Variants in COL11A1 observed in about 807,000 individuals in gnomAD.
COL11A1 encodes the protein collagen type XI alpha 1 chain.
A neutral mutation model predicts 265.2 loss-of-function variants in COL11A1; 74 were observed. That is an observed-to-expected ratio of 0.28 (90% CI 0.23 to 0.34). The LOEUF (loss-of-function observed/expected upper bound fraction) is 0.34, where lower values mean the gene tolerates loss of function less well. Among genes scored for constraint, COL11A1 ranks in the 10% least tolerant of loss-of-function variants. The pLI is 1.00. For missense variants in COL11A1, 2,165 were observed against 2,263.6 expected (o/e 0.96, Z 0.88); for synonymous variants, 816 against 727.6 (o/e 1.12, Z -1.96).
In COL11A1 at chr1:103,026,253, C is replaced by A. The variant is rs1425451978; in HGVS notation, c.860G>T (p.Gly287Val). 1 of 1,613,542 alleles carries A rather than the reference C, an allele frequency of 6.2e-7. No homozygotes were observed. The highest frequency in any genetic ancestry group is 1.3e-5 in the African/African-American group (1 of 74,894). The stretch of plus-strand genomic sequence containing the variant: ...TATTGTCTCCTCAGTTACAGTGGGT[C>A]CCTCTGTTACACTTTCAGCCTCTTT... ...EYKEAESVTE[G>V]PTVTEETIAQ... Residue 287 changes from glycine to valine, a missense_variant, in exon 6 of 67, where the codon GGA becomes GTA. Physicochemically the swap from Gly to Val is moderately radical, Grantham distance 109 (BLOSUM62 -3). Coordinates refer to ENST00000370096, the MANE Select transcript of COL11A1 (RefSeq NM_001854.4).
At chr1:103,017,378 T>C (rs188798469) in intron 11 of COL11A1, among the ~76,000 whole-genome samples, 1,711 of 152,224 alleles carry the variant, frequency 0.011, 32 homozygotes, top group African/African-American at 0.039. Flanking sequence ...GGGAAGGTTA[T>C]TTTATGAGAA....
chr1:103,022,704 T>C lies in COL11A1; in HGVS notation c.1245+38A>G, dbSNP rs773629298. On this transcript the variant is annotated intron_variant, in intron 8 of 66. Transcript: ENST00000370096. Reference sequence around the variant, plus strand: ...CATGGACATAAAAATATCCCATAAATAAGACATACAATGACACAGTGCATA... The same window carrying C: ...CATGGACATAAAAATATCCCATAAACAAGACATACAATGACACAGTGCATA... The C allele has an allele frequency of 3.7e-6, 6 of 1,611,872 alleles. No homozygotes were observed. In the African/African-American group the frequency reaches 8.0e-5, roughly 22 times the overall value.
At chr1:102,970,331 A>C in intron 36 of COL11A1, 59 bp from the exon 37 acceptor site, 1 of 1,345,104 alleles carries the variant, frequency 7.4e-7, no homozygotes, top group Non-Finnish European at 1.0e-6. Context: ...TTATAGTCTA[A>C]ATGTGACATG....
chr1:103,087,950 C>T (rs1673008938), intron 1 of COL11A1, among the ~76,000 whole-genome samples: 1 of 152,166 alleles, frequency 6.6e-6, no homozygotes, highest in African/African-American at 2.4e-5. Flanking sequence ...CTGAAATCCT[C>T]AGGCTATCTA....
At chr1:103,037,040 C>A (rs528998472) in intron 4 of COL11A1, among the ~76,000 whole-genome samples, 1 of 151,718 alleles carries the variant, frequency 6.6e-6, no homozygotes, top group African/African-American at 2.4e-5. Context: ...TTATCAAAAT[C>A]AAATTATATA....
At chr1:102,977,313 C>T (rs1228486529) in intron 35 of COL11A1, among the ~76,000 whole-genome samples, 3 of 152,062 alleles carry the variant, frequency 2.0e-5, no homozygotes, top group Non-Finnish European at 4.4e-5. Flanking sequence ...ATATGTTCTT[C>T]CTGTATAGAC....
chr1:102,968,801 G>A lies in COL11A1; in HGVS notation c.2862+1418C>T, dbSNP rs564927092. ...ACATTCATTCTAGAAACATTATGCT[G>A]TTTTTCTTCTATGTTTAAATCTCAA... On this transcript the variant is annotated intron_variant, in intron 37 of 66. Coordinates refer to ENST00000370096, the MANE Select transcript of COL11A1 (RefSeq NM_001854.4). 1.6e-3 allele frequency among the ~76,000 whole-genome samples: 250 copies of A among 152,196 alleles called. 1 individual carries two copies. The highest frequency in any genetic ancestry group is 0.01 in the Middle Eastern group (3 of 294).
At chr1:102,921,954 A>G (rs943597710) in intron 47 of COL11A1, among the ~76,000 whole-genome samples, 1 of 152,250 alleles carries the variant, frequency 6.6e-6, no homozygotes, top group African/African-American at 2.4e-5. Flanking sequence ...CATTAACTCA[A>G]TAGAAGTATT....
At chr1:103,045,166 T>G (rs1020838904) in intron 4 of COL11A1, among the ~76,000 whole-genome samples, 5 of 152,078 alleles carry the variant, frequency 3.3e-5, no homozygotes, top group African/African-American at 1.2e-4. Flanking sequence ...GAGGAGACAC[T>G]GATAAACTCT....
chr1:103,049,847 C>T (rs910337423), intron 4 of COL11A1, among the ~76,000 whole-genome samples: 1 of 152,116 alleles, frequency 6.6e-6, no homozygotes, highest in Admixed American at 6.5e-5. Context: ...TTTATTTCTC[C>T]TTCACTTATG....
intron 37 of COL11A1, among the ~76,000 whole-genome samples, chr1:102,966,289 T>C (rs1661395408): frequency 6.6e-6 from 1 of 152,158 alleles, no homozygotes; most frequent in Non-Finnish European, 1.5e-5. Context: ...GAGAAGTAGA[T>C]AGAAAATATT....
At chr1:102,884,930 C>T (rs917075478) in intron 63 of COL11A1, among the ~76,000 whole-genome samples, 1 of 152,166 alleles carries the variant, frequency 6.6e-6, no homozygotes, top group African/African-American at 2.4e-5. Context: ...TAACCTTCAC[C>T]CACCTTTCTG....
intron 4 of COL11A1, among the ~76,000 whole-genome samples, chr1:103,039,278 C>T (rs567267020): frequency 2.0e-5 from 3 of 152,222 alleles, no homozygotes; most frequent in African/African-American, 7.2e-5. Flanking sequence ...CTTTCTGTAG[C>T]AATCTTATAC....
chr1:102,961,271 A>T (rs1212709787), intron 41 of COL11A1, among the ~76,000 whole-genome samples: 1 of 152,134 alleles, frequency 6.6e-6, no homozygotes, highest in African/African-American at 2.4e-5. Context: ...GAAAAAAATG[A>T]GGTAAAAATC....
At chr1:102,970,459 T>C (rs977842498) in intron 36 of COL11A1, among the ~76,000 whole-genome samples, 187 bp from the exon 37 acceptor site, 15 of 152,218 alleles carry the variant, frequency 9.9e-5, no homozygotes, top group African/African-American at 2.7e-4. Context: ...TAGCTATAGC[T>C]GAAACCAAAA....
chr1:102,921,111 T>C (rs1281994014), intron 48 of COL11A1, among the ~76,000 whole-genome samples: 2 of 152,210 alleles, frequency 1.3e-5, no homozygotes, highest in Admixed American at 6.5e-5. Context: ...CACGCACATA[T>C]TGCTGTAACA....
chr1:102,879,954 T>C, intron 65 of COL11A1, 38 bp from the exon 66 acceptor site: 1 of 1,320,560 alleles, frequency 7.6e-7, no homozygotes, highest in Non-Finnish European at 1.1e-6. Context: ...TAATGACTCT[T>C]TTCCTCTTTT....
chr1:102,974,970 A>G (rs1662329366), intron 35 of COL11A1, 87 bp from the exon 36 acceptor site: 1 of 937,970 alleles, frequency 1.1e-6, no homozygotes, highest in Non-Finnish European at 1.7e-6. Context: ...CATAGACAAA[A>G]TACAATGTAT....
chr1:103,055,450 T>C (rs982393079), intron 4 of COL11A1, among the ~76,000 whole-genome samples: 3 of 152,144 alleles, frequency 2.0e-5, no homozygotes, highest in Non-Finnish European at 4.4e-5. Context: ...AGAAAACATA[T>C]AATGTTAATT....
Sources: gnomAD v4.1 joint callset for allele counts (sites outside exome capture counted in the v4.1 genomes callset) on GRCh38, gnomAD v4.1.1 for gene constraint, MANE v1.5 for transcripts, NCBI Gene and HGNC (gene_info 2026-07-23, HGNC 2026-07-21) for gene names.